Variants in BAIAP3 observed in about 807,000 individuals in gnomAD.
BAIAP3 encodes the protein BAI1 associated protein 3.
BAIAP3 carries 180 observed loss-of-function variants against 149.7 expected under a neutral mutation model. That is an observed-to-expected ratio of 1.20 (90% CI 1.07 to 1.36). The LOEUF is 1.36. Among genes scored for constraint, BAIAP3 ranks in the 40% most tolerant of loss-of-function variants. The pLI is 0.00. For synonymous variants in BAIAP3, 845 were observed against 670.7 expected (o/e 1.26, Z -4.02); for missense variants, 1,767 against 1,563.4 (o/e 1.13, Z -2.20).
chr16:1,334,402 G>C (rs1191285078), intron 1 of BAIAP3: 2 of 538,100 alleles, frequency 3.7e-6, no homozygotes, highest in African/African-American at 3.8e-5. Context: ...CCATAGAACT[G>C]GGGGTGTGGC....
chr16:1,346,610 G>C lies in BAIAP3; in HGVS notation c.2568G>C (p.Val856=). The change falls in exon 27 of 34, where the codon GTG becomes GTC. Residue 856 remains valine (V), a synonymous_variant. Coordinates refer to ENST00000426824, the MANE Select transcript of BAIAP3 (RefSeq NM_001199097.2). ...CTGACCACCCCTGCCCGCAGGCCGT[G>C]GCCCCGCTCATGAAGTACCTGGATG... ...SPDSIQNDEA[V]APLMKYLDEK... is the part of the protein sequence containing the mutation. 6.6e-7 allele frequency: 1 copy of C among 1,509,986 alleles called. No homozygotes were observed. The highest frequency in any genetic ancestry group is 8.9e-7 in the Non-Finnish European group (1 of 1,123,400). 93.5% of individuals were successfully genotyped at this position (1,509,986 alleles called of 1,614,324 possible).
intron 1 of BAIAP3, chr16:1,334,731 T>C: frequency 6.4e-7 from 1 of 1,553,516 alleles, no homozygotes; most frequent in Non-Finnish European, 8.7e-7. Context: ...CGCCATCGGC[T>C]TCGCAGGGGC....
intron 1 of BAIAP3, chr16:1,334,566 G>T (rs1008662887): frequency 1.7e-6 from 2 of 1,194,090 alleles, no homozygotes; most frequent in Non-Finnish European, 2.4e-6. Flanking sequence ...CCTGCTGGGC[G>T]CCAGCGGCTG....
chr16:1,346,548 T>C (rs1472190680), intron 26 of BAIAP3, 38 bp downstream of exon 26: 3 of 1,589,106 alleles, frequency 1.9e-6, no homozygotes, highest in Admixed American at 1.8e-5. Flanking sequence ...GGACTGTGTG[T>C]ACTGGGGGTA....
Position 1,338,547 on chromosome 16 carries a change from G to C in BAIAP3, c.-3G>C. 1 of 1,588,936 alleles carries C rather than the reference G, an allele frequency of 6.3e-7. No homozygotes were observed. The highest frequency in any genetic ancestry group is 1.1e-5 in the South Asian group (1 of 90,368). ...CTGTGCTCTCTGCTGTAGGTCACCC[G>C]CCATGTCGACCTTGCTGGACATTAA... On this transcript the variant is annotated 5_prime_UTR_variant, in exon 2 of 34. Coordinates refer to ENST00000426824, the MANE Select transcript of BAIAP3 (RefSeq NM_001199097.2).
In BAIAP3 at chr16:1,343,408, C is replaced by T. The variant is rs2034074357; in HGVS notation, c.1281C>T (p.Ser427=). ...GGCCCCACAGGCACTGGCAGGTCAG[C>T]AGCCGCCACCATCAAACCTGCACGC... is the stretch of plus-strand genomic sequence containing the variant. ...LQLAVLHWQV[S]SRHHQTCTLD... Residue 427 remains serine, a synonymous_variant, in exon 15 of 34, where the codon AGC becomes AGT. Transcript: ENST00000426824. The T allele has an allele frequency of 1.9e-6, 3 of 1,567,090 alleles. No individual in the cohort carries two copies. Among genetic ancestry groups the T allele is most frequent in the Non-Finnish European group, 2.6e-6 (3 of 1,158,364 alleles).
chr16:1,346,908 C>A lies in BAIAP3; in HGVS notation c.2704C>A (p.Arg902Ser). Residue 902 changes from arginine to serine, a missense_variant, in exon 28 of 34, where the codon CGT becomes AGT. Arg to Ser is a moderately radical substitution (Grantham distance 110, BLOSUM62 -1). Coordinates refer to ENST00000426824, the MANE Select transcript of BAIAP3 (RefSeq NM_001199097.2). Reference protein sequence around the residue: ...QAILQALGANRDVSADFYSRF... With the variant: ...QAILQALGANSDVSADFYSRF... Reference sequence around the variant, plus strand: ...CATTCTGCAGGCGCTGGGTGCAAACCGTGACGTCTCTGCTGATTTCTACAG... The same window carrying A: ...CATTCTGCAGGCGCTGGGTGCAAACAGTGACGTCTCTGCTGATTTCTACAG... The A allele has an allele frequency of 6.2e-7, 1 of 1,611,568 alleles. No homozygotes were observed. The highest frequency in any genetic ancestry group is 8.5e-7 in the Non-Finnish European group (1 of 1,179,794).
rs753248180 is a variant in BAIAP3 at position 1,346,266 on chromosome 16, G to T, written c.2398G>T (p.Gly800Trp). ...GCCAGAGGGGGCCACGGGGCCCGAG[G>T]GGGTGCTCCCCCGCCCTCTGCTCAG... ...AWPEGATGPEGVLPRPLLSCT... is the reference protein window; with the variant it reads ...AWPEGATGPEWVLPRPLLSCT... Residue 800 changes from glycine (G) to tryptophan (W), a missense_variant, in exon 25 of 34, where the codon GGG (glycine) becomes TGG (tryptophan). By Grantham distance (184) the Gly-to-Trp change is radical. Coordinates refer to ENST00000426824, the MANE Select transcript of BAIAP3 (RefSeq NM_001199097.2). 4.2e-5 allele frequency: 67 copies of T among 1,610,316 alleles called. 2 individuals carry two copies. In the South Asian group the frequency reaches 7.4e-4, roughly 18 times the overall value.
chr16:1,341,936 G>C, intron 9 of BAIAP3, 50 bp from the exon 10 acceptor site: 1 of 1,586,876 alleles, frequency 6.3e-7, no homozygotes, highest in Non-Finnish European at 8.6e-7. Context: ...ACGGACTCAG[G>C]GCCCGGCTGC....
In BAIAP3 at chr16:1,345,762, G is replaced by A. The variant is rs1038469988; in HGVS notation, c.2080G>A (p.Ala694Thr). 7.2e-6 allele frequency: 11 copies of A among 1,536,676 alleles called. No homozygotes were observed. The highest frequency in any genetic ancestry group is 1.8e-4 in the Middle Eastern group (1 of 5,654). Residue 694 changes from alanine (A) to threonine (T), a missense_variant, in exon 23 of 34, where the codon GCC (alanine) becomes ACC (threonine). Ala to Thr is a moderately conservative substitution (Grantham distance 58). Transcript: ENST00000426824. ...VDMDTLEPVD[A>T]SSRHSSSAAT... is the part of the protein sequence containing the mutation. ...GCCTCCCTAGCTGGAGCCCGTGGAC[G>A]CCTCCTCCAGGCACAGCAGCTCCGC... is the stretch of plus-strand genomic sequence containing the variant.
At chr16:1,335,522 G>A (rs142541847) in intron 1 of BAIAP3, among the ~76,000 whole-genome samples, 2 of 152,370 alleles carry the variant, frequency 1.3e-5, no homozygotes, top group East Asian at 1.9e-4. Context: ...CACCCAGGCA[G>A]CCAGTGCTTC....
chr16:1,341,490 G>C lies in BAIAP3; in HGVS notation c.731+1G>C. ...CCGTCTGGAAGGAGCACTTCCTCTT[G>C]TGAGGCCCTCGCCCGTCTGGGTGCG... On this transcript the variant is annotated splice_donor_variant, in intron 8 of 33. Coordinates refer to ENST00000426824, the MANE Select transcript of BAIAP3 (RefSeq NM_001199097.2). LOFTEE classifies it high-confidence loss of function. 6.2e-7 allele frequency: 1 copy of C among 1,605,922 alleles called. No individual in the cohort carries two copies. Among genetic ancestry groups the C allele is most frequent in the Non-Finnish European group, 8.5e-7 (1 of 1,174,924 alleles).
rs1449572751 is a variant in BAIAP3 at position 1,348,774 on chromosome 16, C to G, written c.*292C>G. 2.0e-6 allele frequency: 1 copy of G among 506,880 alleles called. No individual in the cohort carries two copies. The highest frequency in any genetic ancestry group is 3.5e-5 in the Admixed American group (1 of 28,636). The allele number at this position is 506,880 out of a possible 1,614,324, so 31.4% of individuals were successfully genotyped here. A position where few individuals can be genotyped will look rare whatever the true frequency, so the allele number is the denominator to read the frequency against. ...GCGGGCTTGACCACCTGGTGGGCCT[C>G]CCTGCCCGCTTCCTTGGGCTCCCCG... On this transcript the variant is annotated 3_prime_UTR_variant, in exon 34 of 34. Coordinates refer to ENST00000426824, the MANE Select transcript of BAIAP3 (RefSeq NM_001199097.2).
At chr16:1,342,423 G>A in intron 11 of BAIAP3, 104 bp from the exon 12 acceptor site, 1 of 1,376,042 alleles carries the variant, frequency 7.3e-7, no homozygotes, top group Non-Finnish European at 1.0e-6. Flanking sequence ...TCATTCCCCG[G>A]AGAAGGGAAG....
chr16:1,333,693 C>G lies in BAIAP3; in HGVS notation c.-67C>G, dbSNP rs2033277577. ...AGCGGTAGCTGTGCCTCGGCGTCCC[C>G]GAGCTGGTGCCGAGCGCAGCGCCCC... On this transcript the variant is annotated 5_prime_UTR_variant, in exon 1 of 34. Transcript: ENST00000426824. The G allele has an allele frequency of 6.6e-6, 1 of 150,544 alleles. No homozygotes were observed. The highest frequency in any genetic ancestry group is 2.5e-5 in the African/African-American group (1 of 40,664). 9.3% of individuals were successfully genotyped at this position (150,544 alleles called of 1,614,324 possible). A position where few individuals can be genotyped will look rare whatever the true frequency, so the allele number is the denominator to read the frequency against.
At chr16:1,345,167 A>G (rs1385651679) in intron 21 of BAIAP3, 68 bp downstream of exon 21, 3 of 1,609,536 alleles carry the variant, frequency 1.9e-6, no homozygotes, top group African/African-American at 2.7e-5. Flanking sequence ...TGTGAGGGGG[A>G]CGGTCCTGGA....
chr16:1,334,903 C>T (rs1446372382), intron 1 of BAIAP3: 3 of 755,230 alleles, frequency 4.0e-6, no homozygotes, highest in East Asian at 5.5e-5. Flanking sequence ...GTCCTGCCAC[C>T]TCCCGCCCCA....
Position 1,347,890 on chromosome 16 carries a change from G to C in BAIAP3, c.3026-4G>C. 6.2e-7 allele frequency: 1 copy of C among 1,611,312 alleles called. No individual in the cohort carries two copies. The highest frequency in any genetic ancestry group is 8.5e-7 in the Non-Finnish European group (1 of 1,179,796). On this transcript the variant is annotated splice_polypyrimidine_tract_variant and splice_region_variant and intron_variant, in intron 31 of 33. Coordinates refer to ENST00000426824, the MANE Select transcript of BAIAP3 (RefSeq NM_001199097.2). ...CAGGGGGGCTCACGACTGTGCTCCT[G>C]CAGGCTTAAGTGACCCCTTTGTGAT...
intron 6 of BAIAP3, 72 bp from the exon 7 acceptor site, chr16:1,341,057 A>G (rs1596569381): frequency 6.2e-7 from 1 of 1,610,940 alleles, no homozygotes; most frequent in East Asian, 2.2e-5. Context: ...AGGCCCTGTC[A>G]CCTCCATGCT....
Sources: allele counts gnomAD v4.1 joint callset (sites outside exome capture counted in the v4.1 genomes callset), GRCh38; gene constraint gnomAD v4.1.1; transcripts MANE v1.5; gene names NCBI Gene and HGNC (gene_info 2026-07-23, HGNC 2026-07-21).